The following ZNF14 variants were observed in gnomAD, a reference collection of about 807,000 sequenced individuals.
ZNF14 encodes zinc finger protein 14.
ZNF14 carries 9 observed loss-of-function variants against 11.3 expected under a neutral mutation model. That is an observed-to-expected ratio of 0.80 (90% CI 0.48 to 1.39). The LOEUF is 1.39. ZNF14 is among the 40% of genes most tolerant of loss of function. The pLI, the probability that ZNF14 is intolerant of heterozygous loss-of-function variation, is 0.00. For missense variants in ZNF14, 711 were observed against 763.9 expected, an observed-to-expected ratio of 0.93 and a Z score of 0.82; for synonymous variants, 239 against 245.7, an observed-to-expected ratio of 0.97 and a Z score of 0.25.
At chr19:19,722,562 T>C (rs1374768130) in intron 1 of ZNF14, among the ~76,000 whole-genome samples, 3 of 152,200 alleles carry the variant, frequency 2.0e-5, no homozygotes, top group Non-Finnish European at 4.4e-5. Flanking sequence ...ATGGGCTCTT[T>C]TTTGGTTCCA....
chr19:19,721,962 CAAAAA>C (rs36021998), intron 1 of ZNF14, among the ~76,000 whole-genome samples: 1 of 107,178 alleles, frequency 9.3e-6, no homozygotes. Context: ...GACTCAGTCT[CAAAAA>C]AAAAAAAAAA....
chr19:19,725,848 C>G (rs1489625043), intron 1 of ZNF14, among the ~76,000 whole-genome samples: 1 of 133,826 alleles, frequency 7.5e-6, no homozygotes, highest in Non-Finnish European at 1.7e-5. Context: ...CACTGATACC[C>G]TTTCTCCCAC....
At chr19:19,730,931 TA>T (rs1304869730) in intron 1 of ZNF14, among the ~76,000 whole-genome samples, 1 of 151,588 alleles carries the variant, frequency 6.6e-6, no homozygotes, top group African/African-American at 2.4e-5. Context: ...AAAGAAAATA[TA>T]AAAAAAGAAA....
Position 19,711,555 on chromosome 19 carries a change from T to C in ZNF14, c.1726A>G (p.Met576Val). Reference sequence around the variant, plus strand: ...TCTCCCGTGTGAGTTCTCTCATGCATTCGAAATTTACTGGAAGAAATGAAG... The same window carrying C: ...TCTCCCGTGTGAGTTCTCTCATGCACTCGAAATTTACTGGAAGAAATGAAG... ...KAFISSSKFRMHERTHTGEKP... is the reference protein window; with the variant it reads ...KAFISSSKFRVHERTHTGEKP... The change falls in exon 4 of 4, where the codon ATG becomes GTG. Residue 576 changes from methionine (M) to valine (V), a missense_variant. By Grantham distance (21) the Met-to-Val change is conservative (BLOSUM62 1). Coordinates refer to ENST00000344099, the MANE Select transcript of ZNF14 (RefSeq NM_021030.3). 6.2e-7 allele frequency: 1 copy of C among 1,613,194 alleles called. No homozygotes were observed. The highest frequency in any genetic ancestry group is 8.5e-7 in the Non-Finnish European group (1 of 1,179,648).
intron 1 of ZNF14, among the ~76,000 whole-genome samples, chr19:19,732,238 A>G (rs73541344): frequency 0.01 from 1,535 of 152,352 alleles, 23 homozygotes; most frequent in African/African-American, 0.035. Context: ...AATTCCATCC[A>G]GAAACCAAAG....
chr19:19,715,341 A>G (rs1234545499), intron 1 of ZNF14, among the ~76,000 whole-genome samples: 1 of 152,222 alleles, frequency 6.6e-6, no homozygotes, highest in Non-Finnish European at 1.5e-5. Context: ...CATGTCCTGA[A>G]GGACTCCAGG....
At chr19:19,718,352 C>T (rs1055838500) in intron 1 of ZNF14, among the ~76,000 whole-genome samples, 1 of 152,074 alleles carries the variant, frequency 6.6e-6, no homozygotes, top group Non-Finnish European at 1.5e-5. Context: ...TACACTGCAA[C>T]AGAAATGAAG....
chr19:19,714,713 CTTTTT>C (rs3031866), intron 1 of ZNF14, among the ~76,000 whole-genome samples: 2 of 122,844 alleles, frequency 1.6e-5, no homozygotes, highest in Non-Finnish European at 1.7e-5. Context: ...TTTTCTTTTT[CTTTTT>C]TTTTTTTTTT....
In ZNF14 at chr19:19,723,881, A is replaced by G. The variant is rs865960747; in HGVS notation, c.3+9075T>C. 2.2e-5 allele frequency among the ~76,000 whole-genome samples: 3 copies of G among 133,792 alleles called. No homozygotes were observed. In the South Asian group the frequency reaches 7.3e-4, roughly 33 times the overall value. 87.8% of individuals were successfully genotyped at this position (133,792 alleles called of 152,430 possible). ...AGTTTATTTGCGTAGAGGTGTTTATACTATTCTCTGATGGTAGTTTGTATT... is the reference window on the plus strand; with the variant it reads ...AGTTTATTTGCGTAGAGGTGTTTATGCTATTCTCTGATGGTAGTTTGTATT... On this transcript the variant is annotated intron_variant, in intron 1 of 3. Transcript: ENST00000344099.
At position 19,712,582 on chromosome 19, in the gene ZNF14, T is replaced by C. The variant is rs750165109; in HGVS notation, c.699A>G (p.Ile233Met). Residue 233 changes from isoleucine to methionine, a missense_variant, in exon 4 of 4, where the codon ATA becomes ATG. Physicochemically the swap from Ile to Met is conservative, Grantham distance 10. Transcript: ENST00000344099. ...TGTGTCTTTGAAAAGATTGGTAACA[T>C]ATAAAGGCTTTCCCACACTGTTTAC... ...YECKQCGKAF[I>M]CYQSFQRHKR... 3.2e-5 allele frequency: 51 copies of C among 1,612,910 alleles called. 1 individual carries two copies. The South Asian group carries it at 4.1e-4, about 13-fold the overall frequency.
intron 1 of ZNF14, among the ~76,000 whole-genome samples, chr19:19,716,061 G>C (rs758134412): frequency 1.3e-5 from 2 of 152,108 alleles, no homozygotes; most frequent in Non-Finnish European, 2.9e-5. Context: ...TACCAGGAGA[G>C]GGTTTATTAC....
At chr19:19,731,247 A>ATGG (rs1303631960) in intron 1 of ZNF14, among the ~76,000 whole-genome samples, 4 of 152,286 alleles carry the variant, frequency 2.6e-5, no homozygotes, top group Non-Finnish European at 4.4e-5. Context: ...CAAACTAGAT[A>ATGG]TGGTACCCAA....
chr19:19,717,006 C>A (rs76945979), intron 1 of ZNF14, among the ~76,000 whole-genome samples: 1 of 152,090 alleles, frequency 6.6e-6, no homozygotes, highest in Non-Finnish European at 1.5e-5. Flanking sequence ...TCTTTTCCAA[C>A]GCCATTCTCC....
intron 1 of ZNF14, among the ~76,000 whole-genome samples, chr19:19,716,542 G>A (rs572506257): frequency 3.3e-5 from 5 of 152,190 alleles, no homozygotes; most frequent in Admixed American, 6.5e-5. Flanking sequence ...GCCTGCCTCC[G>A]CCTCCCAAAG....
rs574852370 is a variant in ZNF14, at chr19:19,711,382, A to G, written c.1899T>C (p.His633=). The G allele has an allele frequency of 2.4e-5, 38 of 1,575,622 alleles. 1 individual carries two copies. The East Asian group carries it at 4.9e-4, about 20-fold the overall frequency. ...CTTTCTCTCCCATATGAGTCCTTTC[A>G]TGCAGTCGAAAGTGACTGGAAGAAA... ...AFISSSHFRL[H]ERTHMGEKV Residue 633 remains histidine, a synonymous_variant, in exon 4 of 4, where the codon CAT becomes CAC. Coordinates refer to ENST00000344099, the MANE Select transcript of ZNF14 (RefSeq NM_021030.3).
intron 1 of ZNF14, among the ~76,000 whole-genome samples, chr19:19,723,637 G>GCCTTC (rs1233723786): frequency 4.8e-4 from 65 of 136,204 alleles, no homozygotes; most frequent in East Asian, 8.3e-4. Flanking sequence ...TCTATTAATT[G>GCCTTC]GAATAGTTTC....
Position 19,712,067 on chromosome 19 carries a change from G to A in ZNF14, c.1214C>T (p.Ser405Phe). 6.2e-7 allele frequency: 1 copy of A among 1,613,442 alleles called. No homozygotes were observed. Among genetic ancestry groups the A allele is most frequent in the South Asian group, 1.1e-5 (1 of 91,038 alleles). The part of the protein sequence containing the change: ...QCHKTFSFSS[S>F]LREHETTHTG... ...GTGAGTTGTTTCGTGTTCTCGAAGG[G>A]AACTTGAAAAACTGAAGGTTTTATG... The change falls in exon 4 of 4, where the codon TCC (serine) becomes TTC (phenylalanine). Residue 405 changes from serine (S) to phenylalanine (F), a missense_variant. Coordinates refer to ENST00000344099, the MANE Select transcript of ZNF14 (RefSeq NM_021030.3).
In ZNF14 at chr19:19,712,988, G is replaced by A; in HGVS notation, c.293C>T (p.Thr98Ile). 6.2e-7 allele frequency: 1 copy of A among 1,614,138 alleles called. No individual in the cohort carries two copies. The highest frequency in any genetic ancestry group is 8.5e-7 in the Non-Finnish European group (1 of 1,180,028). Reference protein sequence around the residue: ...PNVNINKETFTGAKPHECSFC... With the variant: ...PNVNINKETFIGAKPHECSFC... ...GCTGCATTCATGTGGTTTTGCTCCAGTAAAAGTTTCCTTGTTGATATTAAC... is the reference window on the plus strand; with the variant it reads ...GCTGCATTCATGTGGTTTTGCTCCAATAAAAGTTTCCTTGTTGATATTAAC... The change falls in exon 4 of 4, where the codon ACT (threonine) becomes ATT (isoleucine). Residue 98 changes from threonine to isoleucine, a missense_variant. Coordinates refer to ENST00000344099, the MANE Select transcript of ZNF14 (RefSeq NM_021030.3).
Position 19,712,708 on chromosome 19 carries a change from A to C in ZNF14, c.573T>G (p.His191Gln). 5.0e-6 allele frequency: 8 copies of C among 1,613,356 alleles called. No homozygotes were observed. Among genetic ancestry groups the C allele is most frequent in the Non-Finnish European group, 6.8e-6 (8 of 1,179,810 alleles). Residue 191 changes from histidine to glutamine, a missense_variant, in exon 4 of 4, where the codon CAT becomes CAG. Transcript: ENST00000344099. ...YQPFQRHERTHAGQKPYECKQ... is the reference protein window; with the variant it reads ...YQPFQRHERTQAGQKPYECKQ... Reference sequence around the variant, plus strand: ...TACATTCATAGGGTTTCTGTCCAGCATGAGTCCTTTCATGTCTTTGAAATG... The same window carrying C: ...TACATTCATAGGGTTTCTGTCCAGCCTGAGTCCTTTCATGTCTTTGAAATG...
Sources: allele counts gnomAD v4.1 joint callset (sites outside exome capture counted in the v4.1 genomes callset), GRCh38; gene constraint gnomAD v4.1.1; transcripts MANE v1.5; gene names NCBI Gene and HGNC (gene_info 2026-07-23, HGNC 2026-07-21).